The following PCDH9 variants were observed in gnomAD, a reference collection of about 807,000 sequenced individuals.
The protein encoded by PCDH9 is protocadherin-9.
Under a neutral mutation model 70.6 loss-of-function variants are expected in PCDH9, and 24 were observed. The observed-to-expected ratio is 0.34, with a 90% CI of 0.25 to 0.48. The LOEUF is 0.48. Among genes scored for constraint, PCDH9 ranks in the 20% least tolerant of loss-of-function variants. PCDH9 has a pLI of 0.99. For synonymous variants in PCDH9, 562 were observed against 558.5 expected (o/e 1.01, Z -0.09); for missense variants, 1,281 against 1,503.6 (o/e 0.85, Z 2.45).
intron 4 of PCDH9, among the ~76,000 whole-genome samples, chr13:66,429,919 T>C (rs1957741122): frequency 6.6e-6 from 1 of 152,012 alleles, no homozygotes. Context: ...AGTGAGAATA[T>C]ACCTTTATCG....
chr13:66,452,802 G>A (rs1958240240), intron 4 of PCDH9, among the ~76,000 whole-genome samples: 1 of 152,144 alleles, frequency 6.6e-6, no homozygotes, highest in African/African-American at 2.4e-5. Context: ...ACAGGCAAAT[G>A]TATCACTTTA....
At chr13:66,506,229 A>T (rs1172429899) in intron 4 of PCDH9, among the ~76,000 whole-genome samples, 1 of 152,212 alleles carries the variant, frequency 6.6e-6, no homozygotes, top group East Asian at 1.9e-4. Flanking sequence ...AGAAGGATCC[A>T]GTTTTCACAT....
intron 4 of PCDH9, among the ~76,000 whole-genome samples, chr13:66,480,773 C>G (rs1022716972): frequency 2.0e-5 from 3 of 152,076 alleles, no homozygotes; most frequent in Non-Finnish European, 4.4e-5. Context: ...GGATCTAGAA[C>G]CAGAAATACC....
intron 2 of PCDH9, among the ~76,000 whole-genome samples, chr13:66,906,215 G>C (rs151101090): frequency 2.0e-5 from 3 of 152,142 alleles, no homozygotes; most frequent in African/African-American, 7.2e-5. Context: ...AGAGAGTCTC[G>C]AGAGGTGGAC....
At chr13:66,461,543 C>T (rs1383467862) in intron 4 of PCDH9, among the ~76,000 whole-genome samples, 1 of 150,312 alleles carries the variant, frequency 6.7e-6, no homozygotes, top group Non-Finnish European at 1.5e-5. Flanking sequence ...ATATTATCAA[C>T]TCTGCAAAAA....
intron 2 of PCDH9, among the ~76,000 whole-genome samples, chr13:66,997,639 A>G (rs2084147572): frequency 6.6e-6 from 1 of 152,150 alleles, no homozygotes; most frequent in Non-Finnish European, 1.5e-5. Context: ...GCTTCAAGCC[A>G]TTCTCCTGCC....
At chr13:66,503,199 T>G (rs1312245547) in intron 4 of PCDH9, among the ~76,000 whole-genome samples, 1 of 152,254 alleles carries the variant, frequency 6.6e-6, no homozygotes, top group Non-Finnish European at 1.5e-5. Context: ...TAATCTCCAG[T>G]ATCACATCAT....
intron 4 of PCDH9, among the ~76,000 whole-genome samples, chr13:66,475,356 G>A (rs1958703329): frequency 6.6e-6 from 1 of 152,038 alleles, no homozygotes; most frequent in Non-Finnish European, 1.5e-5. Flanking sequence ...TGCAGAAAAT[G>A]TGTTTCCTTA....
intron 2 of PCDH9, among the ~76,000 whole-genome samples, chr13:67,112,952 T>C (rs2086687358): frequency 2.0e-5 from 3 of 152,150 alleles, no homozygotes; most frequent in African/African-American, 2.4e-5. Flanking sequence ...GCTAGTATCA[T>C]TTTCTTATCA....
At chr13:67,225,378 TATA>T (rs767934671) in intron 2 of PCDH9, 24 bp downstream of exon 2, 4 of 1,606,116 alleles carry the variant, frequency 2.5e-6, no homozygotes, top group Non-Finnish European at 3.4e-6. Context: ...ATGCAGTACT[TATA>T]GACCAGTAAA....
chr13:66,904,815 T>C (rs1371694270), intron 2 of PCDH9, among the ~76,000 whole-genome samples: 1 of 152,044 alleles, frequency 6.6e-6, no homozygotes, highest in Admixed American at 6.6e-5. Context: ...TCATTACATT[T>C]TGAAGATATA....
chr13:66,860,831 A>G (rs982580088), intron 3 of PCDH9, among the ~76,000 whole-genome samples: 1 of 152,222 alleles, frequency 6.6e-6, no homozygotes, highest in East Asian at 1.9e-4. Context: ...GCAGTTTGGC[A>G]TTTCCAGGGG....
intron 2 of PCDH9, among the ~76,000 whole-genome samples, chr13:67,034,170 A>G (rs1566377508): frequency 6.6e-6 from 1 of 152,030 alleles, no homozygotes; most frequent in Non-Finnish European, 1.5e-5. Context: ...TTTTTAGTAG[A>G]GACGGGGTTT....
intron 2 of PCDH9, among the ~76,000 whole-genome samples, chr13:67,096,549 A>C (rs1174890114): frequency 6.6e-6 from 1 of 152,152 alleles, no homozygotes; most frequent in Non-Finnish European, 1.5e-5. Context: ...GATCCTGATT[A>C]ATTACATCAG....
At chr13:66,894,290 A>G (rs2139574637) in intron 3 of PCDH9, among the ~76,000 whole-genome samples, 1 of 151,340 alleles carries the variant, frequency 6.6e-6, no homozygotes, top group Admixed American at 6.6e-5. Flanking sequence ...TGAACTATCT[A>G]AAGAAAAAAA....
chr13:66,559,168 A>G (rs987507219), intron 4 of PCDH9, among the ~76,000 whole-genome samples: 1 of 152,158 alleles, frequency 6.6e-6, no homozygotes, highest in African/African-American at 2.4e-5. Context: ...GAAAGATCTA[A>G]ACCTTCTAGT....
At chr13:67,171,782 A>C (rs75459113) in intron 2 of PCDH9, among the ~76,000 whole-genome samples, 2 of 152,226 alleles carry the variant, frequency 1.3e-5, no homozygotes, top group South Asian at 2.1e-4. Context: ...TAGTGATTAT[A>C]ATACTTTCCT....
intron 4 of PCDH9, among the ~76,000 whole-genome samples, chr13:66,529,283 C>T (rs1960341223): frequency 6.6e-6 from 1 of 152,090 alleles, no homozygotes; most frequent in Admixed American, 6.6e-5. Context: ...ACCATCTCTT[C>T]AGGCACAAAC....
intron 3 of PCDH9, among the ~76,000 whole-genome samples, chr13:66,795,579 T>G (rs191106210): frequency 6.6e-6 from 1 of 152,192 alleles, no homozygotes; most frequent in East Asian, 1.9e-4. Flanking sequence ...TGATTAGGAG[T>G]AGTATTTTTA....
Sources: allele counts gnomAD v4.1 joint callset (sites outside exome capture counted in the v4.1 genomes callset), GRCh38; gene constraint gnomAD v4.1.1; transcripts MANE v1.5; gene names NCBI Gene and HGNC (gene_info 2026-07-23, HGNC 2026-07-21).